The following DLC1 variants were observed in gnomAD, a reference collection of about 807,000 sequenced individuals.
The protein encoded by DLC1 is DLC1 Rho GTPase activating protein, also known as rho GTPase-activating protein 7.
Under a neutral mutation model 140.3 loss-of-function variants are expected in DLC1, and 54 were observed. The observed-to-expected ratio is 0.38, with a 90% confidence interval of 0.31 to 0.48. The LOEUF (loss-of-function observed/expected upper bound fraction) is 0.48, where lower values mean the gene tolerates loss of function less well. Ranked by LOEUF, DLC1 falls within the 20% of genes least tolerant of loss-of-function variation. The pLI, the probability that DLC1 is intolerant of heterozygous loss-of-function variation, is 0.96. For synonymous variants in DLC1, 986 were observed against 728.1 expected (o/e 1.35, Z -5.70); for missense variants, 2,536 against 1,907.0 (o/e 1.33, Z -6.14).
At chr8:13,230,751 C>T (rs1829011580) in intron 5 of DLC1, among the ~76,000 whole-genome samples, 1 of 151,896 alleles carries the variant, frequency 6.6e-6, no homozygotes, top group Non-Finnish European at 1.5e-5. Context: ...AGCCCACCAC[C>T]ATGCCCGCCT....
intron 4 of DLC1, among the ~76,000 whole-genome samples, chr8:13,357,902 A>T (rs1471671661): frequency 1.3e-5 from 2 of 152,206 alleles, no homozygotes; most frequent in Admixed American, 6.5e-5. Context: ...GAGCCTCTTG[A>T]TCACAAAAAA....
intron 2 of DLC1, among the ~76,000 whole-genome samples, chr8:13,409,329 C>G (rs1837690737): frequency 6.6e-6 from 1 of 152,010 alleles, no homozygotes; most frequent in Non-Finnish European, 1.5e-5. Flanking sequence ...TTAAGCCATA[C>G]TATGTTTTAG....
At chr8:13,359,989 A>G (rs1835149508) in intron 4 of DLC1, among the ~76,000 whole-genome samples, 1 of 152,226 alleles carries the variant, frequency 6.6e-6, no homozygotes, top group Non-Finnish European at 1.5e-5. Flanking sequence ...TACTCCATCG[A>G]CATTTTAAAA....
intron 5 of DLC1, among the ~76,000 whole-genome samples, chr8:13,249,913 C>T (rs937374394): frequency 6.6e-6 from 1 of 152,180 alleles, no homozygotes; most frequent in Non-Finnish European, 1.5e-5. Flanking sequence ...TGTCTTTCCA[C>T]CTGTCATCCA....
intron 5 of DLC1, among the ~76,000 whole-genome samples, chr8:13,179,285 G>T (rs1174086079): frequency 6.6e-6 from 1 of 152,000 alleles, no homozygotes; most frequent in Non-Finnish European, 1.5e-5. Context: ...GGGTGGGGCA[G>T]GAAGGGATCG....
At chr8:13,466,814 A>G (rs1414504489) in intron 2 of DLC1, among the ~76,000 whole-genome samples, 1 of 152,154 alleles carries the variant, frequency 6.6e-6, no homozygotes, top group Non-Finnish European at 1.5e-5. Flanking sequence ...AAAAACTCAA[A>G]CTTGCTGGAA....
Position 13,224,779 on chromosome 8 carries a change from A to C in DLC1, c.1348+80490T>G, listed in dbSNP as rs1415854688. 2.0e-5 allele frequency among the ~76,000 whole-genome samples: 3 copies of C among 152,334 alleles called. No individual in the cohort carries two copies. In the East Asian group the frequency reaches 5.8e-4, roughly 29 times the overall value. On this transcript the variant is annotated intron_variant, in intron 5 of 17. Transcript: ENST00000276297. ...AGTGTCTACAAGAGTGAGCGCCTAC[A>C]GATTTTTTCTCTTCCTGCTTCTTCA...
Position 13,115,976 on chromosome 8 carries a change from T to C in DLC1, c.1349-319A>G, listed in dbSNP as rs1473389351. Among the ~76,000 whole-genome samples the C allele has an allele frequency of 2.6e-5, 4 of 152,158 alleles. No individual in the cohort carries two copies. The East Asian group carries it at 5.8e-4, about 22-fold the overall frequency. On this transcript the variant is annotated intron_variant, in intron 5 of 17. Transcript: ENST00000276297. ...ATGAAAATAAGGCATCATGAGAAAG[T>C]TGAAGAGAGATTTAATAACTCATTT...
At chr8:13,216,798 C>A (rs568127143) in intron 5 of DLC1, among the ~76,000 whole-genome samples, 4 of 151,956 alleles carry the variant, frequency 2.6e-5, no homozygotes, top group Admixed American at 2.6e-4. Flanking sequence ...CTAGTAGTAC[C>A]CCCAGCTGTG....
At chr8:13,435,441 G>A (rs927541036) in intron 2 of DLC1, among the ~76,000 whole-genome samples, 3 of 152,144 alleles carry the variant, frequency 2.0e-5, no homozygotes, top group Non-Finnish European at 2.9e-5. Flanking sequence ...AGCCTCCCGA[G>A]TAGCTGGGAT....
intron 5 of DLC1, among the ~76,000 whole-genome samples, chr8:13,241,782 C>G (rs1829555163): frequency 6.6e-6 from 1 of 152,142 alleles, no homozygotes; most frequent in Admixed American, 6.5e-5. Flanking sequence ...GAGGCATTAA[C>G]ACGCTGCTCA....
intron 2 of DLC1, among the ~76,000 whole-genome samples, chr8:13,477,050 C>T (rs1800463778): frequency 6.6e-6 from 1 of 152,098 alleles, no homozygotes; most frequent in South Asian, 2.1e-4. Context: ...GGACTCACTC[C>T]TTTGTGCATC....
chr8:13,413,256 A>ATTTTTTTTTTTTTTT (rs58038503), intron 2 of DLC1, among the ~76,000 whole-genome samples: 6,005 of 81,276 alleles, frequency 0.074, 1,389 homozygotes, highest in Non-Finnish European at 0.09. Context: ...TTTTTTTGCG[A>ATTTTTTTTTTTTTTT]TTTTTTTTTT....
At chr8:13,350,614 G>A (rs1213958238) in intron 4 of DLC1, among the ~76,000 whole-genome samples, 1 of 152,124 alleles carries the variant, frequency 6.6e-6, no homozygotes, top group African/African-American at 2.4e-5. Context: ...TACTTGGGTG[G>A]TTGAGGCAGG....
At chr8:13,224,875 C>T (rs999650750) in intron 5 of DLC1, among the ~76,000 whole-genome samples, 2 of 152,172 alleles carry the variant, frequency 1.3e-5, no homozygotes, top group Non-Finnish European at 2.9e-5. Flanking sequence ...GTTAGTTAAC[C>T]ACCAAGGGCA....
chr8:13,415,018 T>C (rs1837984884), intron 2 of DLC1, among the ~76,000 whole-genome samples: 1 of 152,130 alleles, frequency 6.6e-6, no homozygotes, highest in African/African-American at 2.4e-5. Flanking sequence ...TTCACCATGT[T>C]GGTCAGGCTG....
intron 2 of DLC1, among the ~76,000 whole-genome samples, chr8:13,439,857 C>A (rs2116915246): frequency 6.6e-6 from 1 of 152,144 alleles, no homozygotes; most frequent in East Asian, 1.9e-4. Context: ...TGATGAGAAA[C>A]CTTTTGATAG....
At chr8:13,156,768 C>T (rs1041678590) in intron 5 of DLC1, among the ~76,000 whole-genome samples, 15 of 152,200 alleles carry the variant, frequency 9.9e-5, no homozygotes, top group Non-Finnish European at 1.6e-4. Context: ...CAGAGCATCC[C>T]TCAGTAGGAT....
chr8:13,167,962 C>A (rs1251567541), intron 5 of DLC1, among the ~76,000 whole-genome samples: 1 of 152,134 alleles, frequency 6.6e-6, no homozygotes, highest in African/African-American at 2.4e-5. Context: ...AATACTTAGT[C>A]CCTTTAGAGT....
Sources: gnomAD v4.1 joint callset for allele counts (sites outside exome capture counted in the v4.1 genomes callset) on GRCh38, gnomAD v4.1.1 for gene constraint, MANE v1.5 for transcripts, NCBI Gene and HGNC (gene_info 2026-07-23, HGNC 2026-07-21) for gene names.